The following GLIS1 variants were observed in gnomAD, a reference collection of about 807,000 sequenced individuals.
GLIS1 encodes the protein GLIS family zinc finger 1, also known as zinc finger protein GLIS1.
GLIS1 carries 24 observed loss-of-function variants against 63.8 expected under a neutral mutation model. The ratio of observed to expected loss-of-function variants is 0.38; its 90% CI spans 0.27 to 0.53. The LOEUF (loss-of-function observed/expected upper bound fraction) is 0.53, where lower values mean the gene tolerates loss of function less well. Ranked by LOEUF, GLIS1 falls within the 20% of genes least tolerant of loss-of-function variation. The pLI is 0.85. For missense variants in GLIS1, 1,036 were observed against 1,074.1 expected (o/e 0.96, Z 0.50); for synonymous variants, 450 against 482.5 (o/e 0.93, Z 0.88).
chr1:53,645,810 G>T lies in GLIS1; in HGVS notation c.260-45532C>A, dbSNP rs538734206. On this transcript the variant is annotated intron_variant, in intron 2 of 10. Transcript: ENST00000628545. ...TAGAATTTAGGGGGCAGCAGAGCTGGATTTTCAAGAGTCTACCTGACTCCT... is the reference window on the plus strand; with the variant it reads ...TAGAATTTAGGGGGCAGCAGAGCTGTATTTTCAAGAGTCTACCTGACTCCT... Among the ~76,000 whole-genome samples the T allele has an allele frequency of 2.8e-4, 43 of 152,062 alleles. No individual in the cohort carries two copies. The South Asian group carries it at 8.5e-3, about 30-fold the overall frequency.
intron 4 of GLIS1, among the ~76,000 whole-genome samples, chr1:53,581,689 G>C (rs969966706): frequency 6.6e-6 from 1 of 152,202 alleles, no homozygotes. Context: ...CAGAGGTCAG[G>C]CTGGGGCAAG....
intron 4 of GLIS1, among the ~76,000 whole-genome samples, chr1:53,548,342 T>C (rs1401415985): frequency 6.6e-6 from 1 of 152,192 alleles, no homozygotes; most frequent in African/African-American, 2.4e-5. Flanking sequence ...TGAGTGAGGC[T>C]TTAGCATGTT....
chr1:53,619,291 G>A (rs957151163), intron 2 of GLIS1, among the ~76,000 whole-genome samples: 3 of 152,216 alleles, frequency 2.0e-5, no homozygotes, highest in African/African-American at 7.2e-5. Context: ...CCCTCAGCCT[G>A]GTGACAACAT....
intron 2 of GLIS1, among the ~76,000 whole-genome samples, chr1:53,672,617 T>A (rs978053760): frequency 1.3e-5 from 2 of 152,218 alleles, no homozygotes; most frequent in African/African-American, 4.8e-5. Flanking sequence ...GTGAGCTGGA[T>A]TGACAACAGG....
intron 4 of GLIS1, among the ~76,000 whole-genome samples, chr1:53,587,168 G>T (rs1262866924): frequency 1.3e-5 from 2 of 152,214 alleles, no homozygotes; most frequent in African/African-American, 4.8e-5. Flanking sequence ...AGGAATTCAG[G>T]AGGAGAGGAA....
intron 2 of GLIS1, among the ~76,000 whole-genome samples, chr1:53,652,345 G>C (rs960805170): frequency 3.3e-5 from 5 of 152,152 alleles, no homozygotes; most frequent in African/African-American, 1.2e-4. Flanking sequence ...CCTTCTATGG[G>C]AGCTCAGTGG....
chr1:53,509,421 GC>G, intron 9 of GLIS1, 134 bp from the exon 10 acceptor site: 1 of 994,772 alleles, frequency 1.0e-6, no homozygotes, highest in Non-Finnish European at 1.5e-6. Flanking sequence ...AGAGAGGAGG[GC>G]CCAGGGCAGA....
At chr1:53,641,759 C>T (rs935341920) in intron 2 of GLIS1, among the ~76,000 whole-genome samples, 6 of 152,194 alleles carry the variant, frequency 3.9e-5, no homozygotes, top group African/African-American at 1.4e-4. Context: ...GCCTTCCTGA[C>T]ACCCGACACC....
intron 2 of GLIS1, among the ~76,000 whole-genome samples, chr1:53,706,002 C>T (rs1646575585): frequency 6.6e-6 from 1 of 152,228 alleles, no homozygotes; most frequent in Non-Finnish European, 1.5e-5. Flanking sequence ...ATCAGAAGGA[C>T]TGGATTCTGC....
At chr1:53,680,356 G>T (rs1646260999) in intron 2 of GLIS1, among the ~76,000 whole-genome samples, 1 of 152,216 alleles carries the variant, frequency 6.6e-6, no homozygotes, top group African/African-American at 2.4e-5. Flanking sequence ...TTGGCAGGAA[G>T]TAGAGACTAT....
At position 53,646,932 on chromosome 1, in the gene GLIS1, A is replaced by AGAAG. The variant is rs1645852158; in HGVS notation, c.260-46658_260-46655dup. Among the ~76,000 whole-genome samples, 1 of 145,304 alleles carries AGAAG rather than the reference A, an allele frequency of 6.9e-6. No individual in the cohort carries two copies. Among genetic ancestry groups the AGAAG allele is most frequent in the Admixed American group, 6.8e-5 (1 of 14,748 alleles). On this transcript the variant is annotated intron_variant, in intron 2 of 10. Transcript: ENST00000628545. This position sits in a 1 kb window ranked among gnomAD's most constrained non-coding sequence, Gnocchi z 4.2. Reference sequence around the variant, plus strand: ...GGAAGGGAAGGAAGGAAGGAAGGAAAGAAGGAAGGAAAGGGAAGGGAAGGG... The same window carrying AGAAG: ...GGAAGGGAAGGAAGGAAGGAAGGAAAGAAGGAAGGAAGGAAAGGGAAGGGAAGGG...
chr1:53,535,724 C>A (rs1644575019), intron 4 of GLIS1, among the ~76,000 whole-genome samples: 1 of 152,098 alleles, frequency 6.6e-6, no homozygotes, highest in East Asian at 1.9e-4. Context: ...GGTGACTGCA[C>A]AGGTGCCATC....
At chr1:53,723,316 A>G (rs1417300949) in intron 2 of GLIS1, among the ~76,000 whole-genome samples, 1 of 150,230 alleles carries the variant, frequency 6.7e-6, no homozygotes, top group Non-Finnish European at 1.5e-5. Flanking sequence ...GCTCACTGCA[A>G]CCTCTACCTC....
chr1:53,571,008 A>T (rs1644978956), intron 4 of GLIS1, among the ~76,000 whole-genome samples: 1 of 152,240 alleles, frequency 6.6e-6, no homozygotes, highest in African/African-American at 2.4e-5. Context: ...TACCATCAGG[A>T]AAGTGAAGCT....
At chr1:53,602,049 C>T (rs914748044) in intron 2 of GLIS1, among the ~76,000 whole-genome samples, 3 of 152,196 alleles carry the variant, frequency 2.0e-5, no homozygotes, top group African/African-American at 4.8e-5. Context: ...GGAGAGGACT[C>T]GGCAAACATC....
chr1:53,690,378 G>A (rs1646389380), intron 2 of GLIS1, among the ~76,000 whole-genome samples: 1 of 152,214 alleles, frequency 6.6e-6, no homozygotes, highest in Admixed American at 6.5e-5. Flanking sequence ...GACACAGCTG[G>A]GGCGGCTTCC....
intron 2 of GLIS1, among the ~76,000 whole-genome samples, chr1:53,654,169 T>C (rs766031725): frequency 3.5e-4 from 54 of 152,200 alleles, no homozygotes; most frequent in African/African-American, 1.2e-3. Context: ...ACATCCACCC[T>C]TCCCTTCAAC....
chr1:53,546,445 G>C (rs941103320), intron 4 of GLIS1, among the ~76,000 whole-genome samples: 3 of 152,370 alleles, frequency 2.0e-5, no homozygotes, highest in South Asian at 4.1e-4. Flanking sequence ...GGATCAGGAA[G>C]ACCAGGTTCA....
intron 2 of GLIS1, among the ~76,000 whole-genome samples, chr1:53,660,599 T>C (rs114444215): frequency 0.017 from 2,656 of 152,124 alleles, 61 homozygotes; most frequent in African/African-American, 0.059. Flanking sequence ...TTGAACCAGA[T>C]CCCTGGCCTG....
Sources: allele counts gnomAD v4.1 joint callset (sites outside exome capture counted in the v4.1 genomes callset), GRCh38; gene constraint gnomAD v4.1.1; non-coding constraint Gnocchi (gnomAD v3.1); transcripts MANE v1.5; gene names NCBI Gene and HGNC (gene_info 2026-07-23, HGNC 2026-07-21).